Variants in CNOT6 observed in about 807,000 individuals in gnomAD.
The protein encoded by CNOT6 is CCR4-NOT transcription complex subunit 6, also known as carbon catabolite repression 4 protein.
In CNOT6, 12 loss-of-function variants were observed where a neutral mutation model predicts 61.2. The observed-to-expected ratio is 0.20, with a 90% CI of 0.13 to 0.32. The LOEUF (loss-of-function observed/expected upper bound fraction) is 0.32. Among genes scored for constraint, CNOT6 ranks in the 10% least tolerant of loss-of-function variants. The pLI is 1.00. For missense variants in CNOT6, 405 were observed against 663.9 expected (o/e 0.61, Z 4.28); for synonymous variants, 225 against 240.6 (o/e 0.94, Z 0.60).
intron 7 of CNOT6, among the ~76,000 whole-genome samples, 183 bp from the exon 8 acceptor site, chr5:180,566,905 C>T (rs1398032965): frequency 9.9e-5 from 15 of 152,048 alleles, no homozygotes; most frequent in Admixed American, 9.8e-4. Flanking sequence ...CCGCCCGCCT[C>T]GGCCTCTCAA....
At chr5:180,501,602 A>AG (rs1486094731) in intron 1 of CNOT6, among the ~76,000 whole-genome samples, 4 of 152,156 alleles carry the variant, frequency 2.6e-5, no homozygotes, top group Non-Finnish European at 5.9e-5. Context: ...CTTTTGACAG[A>AG]GGTAAGATCT....
intron 1 of CNOT6, among the ~76,000 whole-genome samples, chr5:180,524,622 CTGTT>C (rs781346840): frequency 1.5e-4 from 23 of 152,224 alleles, no homozygotes; most frequent in Non-Finnish European, 2.4e-4. Flanking sequence ...GAAATCAAGA[CTGTT>C]TGATAGAATG....
intron 3 of CNOT6, among the ~76,000 whole-genome samples, chr5:180,550,908 G>A (rs755443989): frequency 2.6e-5 from 4 of 152,156 alleles, no homozygotes; most frequent in Non-Finnish European, 1.5e-5. Flanking sequence ...ATTCACATGT[G>A]TAAGTTCAGG....
rs1487323979 is a variant in CNOT6, at chr5:180,578,265, T to C, written c.*4065T>C. On this transcript the variant is annotated 3_prime_UTR_variant, in exon 12 of 12. Transcript: ENST00000261951. ...TAGGATTTTCGTTGTTGTTACCTTA[T>C]ACCTCATGATATAAGGAATGGGCTC... 2 of 152,678 alleles carry C rather than the reference T, an allele frequency of 1.3e-5. No homozygotes were observed. The highest frequency in any genetic ancestry group is 2.9e-5 in the Non-Finnish European group (2 of 68,046). The allele number at this position is 152,678 out of a possible 1,614,324, so 9.5% of individuals were successfully genotyped here. A position where few individuals can be genotyped will look rare whatever the true frequency, so the allele number is the denominator to read the frequency against.
chr5:180,570,940 A>T (rs1229164885), intron 10 of CNOT6, among the ~76,000 whole-genome samples: 1 of 152,242 alleles, frequency 6.6e-6, no homozygotes, highest in East Asian at 1.9e-4. Context: ...AACAACCTGC[A>T]TTTTACAAAA....
At chr5:180,570,129 G>A (rs1760669974) in intron 10 of CNOT6, among the ~76,000 whole-genome samples, 1 of 152,148 alleles carries the variant, frequency 6.6e-6, no homozygotes. Flanking sequence ...GGGCCCAGGT[G>A]GGCAGATCAG....
intron 1 of CNOT6, among the ~76,000 whole-genome samples, chr5:180,524,353 C>T (rs942804455): frequency 3.3e-5 from 5 of 152,142 alleles, no homozygotes. Flanking sequence ...TTTACCTAAT[C>T]TGCAGTGCTA....
At chr5:180,543,134 C>T (rs1313442328) in intron 2 of CNOT6, among the ~76,000 whole-genome samples, 2 of 152,180 alleles carry the variant, frequency 1.3e-5, no homozygotes, top group Admixed American at 6.5e-5. Context: ...TCTCTGGTCA[C>T]TGCAAGCTCT....
At chr5:180,553,112 A>G (rs1433042441) in intron 3 of CNOT6, among the ~76,000 whole-genome samples, 1 of 152,082 alleles carries the variant, frequency 6.6e-6, no homozygotes, top group Non-Finnish European at 1.5e-5. Context: ...GGAATTTTAT[A>G]TGTCTGTTAA....
chr5:180,567,815 C>G (rs984641789), intron 8 of CNOT6, 34 bp from the exon 9 acceptor site: 19 of 1,516,656 alleles, frequency 1.3e-5, no homozygotes, highest in Non-Finnish European at 1.7e-5. Flanking sequence ...ATTCCCAACT[C>G]TGTGTGTGTG....
chr5:180,529,762 G>T (rs1052026332), intron 2 of CNOT6, among the ~76,000 whole-genome samples: 1 of 152,242 alleles, frequency 6.6e-6, no homozygotes, highest in Non-Finnish European at 1.5e-5. Context: ...CATTGTCAAT[G>T]ATAGATTTCT....
At chr5:180,554,517 G>T (rs1561657886) in intron 4 of CNOT6, among the ~76,000 whole-genome samples, 3 of 151,326 alleles carry the variant, frequency 2.0e-5, no homozygotes, top group African/African-American at 4.9e-5. Context: ...TAAAAGAACA[G>T]TTTTTTTTAA....
At chr5:180,548,252 T>G (rs1037544984) in intron 2 of CNOT6, among the ~76,000 whole-genome samples, 9 of 152,188 alleles carry the variant, frequency 5.9e-5, no homozygotes, top group Non-Finnish European at 1.2e-4. Context: ...CTGTACCCAT[T>G]TAGCAGTCCT....
Position 180,494,557 on chromosome 5 carries a change from C to A in CNOT6, c.-209C>A. 6.6e-6 allele frequency: 1 copy of A among 152,198 alleles called. No individual in the cohort carries two copies. Among genetic ancestry groups the A allele is most frequent in the South Asian group, 1.8e-4 (1 of 5,602 alleles). The allele number at this position is 152,198 out of a possible 1,614,324, so 9.4% of individuals were successfully genotyped here. A position where few individuals can be genotyped will look rare whatever the true frequency, so the allele number is the denominator to read the frequency against. ...AGAGGGCGGGAGGGCGTAGTGGCGG[C>A]CCGTCGGGGCGGCTGAGGCGGGCAG... On this transcript the variant is annotated 5_prime_UTR_variant, in exon 1 of 12. Transcript: ENST00000261951.
chr5:180,568,419 G>A (rs1397207291), intron 9 of CNOT6, among the ~76,000 whole-genome samples: 1 of 151,700 alleles, frequency 6.6e-6, no homozygotes, highest in Non-Finnish European at 1.5e-5. Context: ...TGGGTGTGGT[G>A]GTGGGCGCCT....
intron 1 of CNOT6, among the ~76,000 whole-genome samples, chr5:180,510,009 A>G (rs187827005): frequency 5.3e-4 from 81 of 151,696 alleles, no homozygotes; most frequent in Non-Finnish European, 3.7e-4. Flanking sequence ...GTTAGTCAAG[A>G]GTAGTTATCT....
At chr5:180,536,586 G>A (rs1758712235) in intron 2 of CNOT6, among the ~76,000 whole-genome samples, 1 of 151,920 alleles carries the variant, frequency 6.6e-6, no homozygotes, top group African/African-American at 2.4e-5. Flanking sequence ...GGGACTACAG[G>A]TGCACACAAC....
rs565554856 is a variant in CNOT6 at position 180,494,503 on chromosome 5, C to T, written c.-263C>T. On this transcript the variant is annotated 5_prime_UTR_variant, in exon 1 of 12. Transcript: ENST00000261951. ...GCGCGGAGGCGAAGGCAGCGGCGGG[C>T]GCAGCGAGGAGGGCGAGGCCGGGGG... 2,528 of 151,688 alleles carry T rather than the reference C, an allele frequency of 0.017. 66 individuals carry two copies. Among genetic ancestry groups the T allele is most frequent in the African/African-American group, 0.059 (2,376 of 40,044 alleles). The allele number at this position is 151,688 out of a possible 1,614,324, so 9.4% of individuals were successfully genotyped here.
intron 2 of CNOT6, among the ~76,000 whole-genome samples, chr5:180,543,586 A>T (rs1297230952): frequency 6.6e-6 from 1 of 152,200 alleles, no homozygotes; most frequent in African/African-American, 2.4e-5. Flanking sequence ...ATACCTGAAC[A>T]AGTGTTTTCA....
Sources: gnomAD v4.1 joint callset for allele counts (sites outside exome capture counted in the v4.1 genomes callset) on GRCh38, gnomAD v4.1.1 for gene constraint, MANE v1.5 for transcripts, NCBI Gene and HGNC (gene_info 2026-07-23, HGNC 2026-07-21) for gene names.